The following CD48 variants were observed in gnomAD, a reference collection of about 807,000 sequenced individuals.
The protein encoded by CD48 is CD48 molecule.
Under a neutral mutation model 22.0 loss-of-function variants are expected in CD48, and 20 were observed. The observed-to-expected ratio is 0.91, with a 90% confidence interval of 0.64 to 1.32. The LOEUF is 1.32. CD48 is among the 40% of genes most tolerant of loss of function. CD48 has a pLI of 0.00. For missense variants in CD48, 307 were observed against 286.5 expected, an observed-to-expected ratio of 1.07 and a Z score of -0.52; for synonymous variants, 110 against 110.1, an observed-to-expected ratio of 1.00 and a Z score of 0.01.
chr1:160,708,661 G>C (rs1007218907), intron 1 of CD48, among the ~76,000 whole-genome samples: 1 of 152,200 alleles, frequency 6.6e-6, no homozygotes, highest in East Asian at 1.9e-4. Flanking sequence ...AACTAGACAA[G>C]TGGAGATGTC....
rs953047991 is a variant in CD48 at position 160,679,237 on chromosome 1, G to A, written c.653-106C>T. 10 of 829,446 alleles carry A rather than the reference G, an allele frequency of 1.2e-5. No individual in the cohort carries two copies. In the Admixed American group the frequency reaches 2.1e-4, roughly 18 times the overall value. The allele number at this position is 829,446 out of a possible 1,614,324, so 51.4% of individuals were successfully genotyped here. ...CTGGTGTGGGAGCTCACAGAGCAGG[G>A]AAATTAATTTCTTCCCTGAATCCCA... On this transcript the variant is annotated intron_variant, in intron 3 of 3. Coordinates refer to ENST00000368046, the MANE Select transcript of CD48 (RefSeq NM_001778.4).
intron 1 of CD48, among the ~76,000 whole-genome samples, chr1:160,704,879 T>C (rs1662745723): frequency 6.6e-6 from 1 of 152,192 alleles, no homozygotes; most frequent in Non-Finnish European, 1.5e-5. Context: ...AAAGAAAAGA[T>C]GATAAGGACA....
chr1:160,698,028 C>T (rs1210318811), intron 1 of CD48, among the ~76,000 whole-genome samples: 1 of 152,162 alleles, frequency 6.6e-6, no homozygotes, highest in East Asian at 1.9e-4. Context: ...CTTACTGTGG[C>T]CTCACACCAC....
At chr1:160,686,276 C>T (rs1398531636) in intron 1 of CD48, among the ~76,000 whole-genome samples, 1 of 151,984 alleles carries the variant, frequency 6.6e-6, no homozygotes, top group Non-Finnish European at 1.5e-5. Flanking sequence ...GACAGGAGGG[C>T]AGGAGAAGGT....
At chr1:160,693,824 C>A (rs967997351) in intron 1 of CD48, among the ~76,000 whole-genome samples, 35 of 152,408 alleles carry the variant, frequency 2.3e-4, no homozygotes, top group African/African-American at 8.2e-4. Flanking sequence ...CTGGGGCATT[C>A]CCAATTCAGC....
At chr1:160,679,657 A>T (rs1368676606) in intron 3 of CD48, among the ~76,000 whole-genome samples, 7 of 151,986 alleles carry the variant, frequency 4.6e-5, no homozygotes, top group East Asian at 1.9e-4. Context: ...TGGAGAAAAT[A>T]AAAAAAAGGA....
chr1:160,698,294 T>G (rs1019202135), intron 1 of CD48, among the ~76,000 whole-genome samples: 13 of 152,194 alleles, frequency 8.5e-5, no homozygotes, highest in Non-Finnish European at 1.5e-4. Context: ...AGAAGGCATG[T>G]GGATCCCTGT....
chr1:160,707,271 G>T (rs1662823202), intron 1 of CD48, among the ~76,000 whole-genome samples: 1 of 152,162 alleles, frequency 6.6e-6, no homozygotes, highest in Non-Finnish European at 1.5e-5. Context: ...GTTGCAATTT[G>T]AATGGGAAAA....
chr1:160,690,913 T>C (rs1662188115), intron 1 of CD48, among the ~76,000 whole-genome samples: 1 of 152,164 alleles, frequency 6.6e-6, no homozygotes, highest in Non-Finnish European at 1.5e-5. Flanking sequence ...TCTATGACCT[T>C]ACCCCCAACC....
intron 2 of CD48, among the ~76,000 whole-genome samples, chr1:160,682,316 T>A (rs1391484975): frequency 1.3e-5 from 2 of 149,328 alleles, no homozygotes; most frequent in African/African-American, 2.5e-5. Context: ...AAAAGAAAAG[T>A]AGCCAGGTGT....
Position 160,679,069 on chromosome 1 carries a change from C to G in CD48, c.715G>C (p.Gly239Arg), listed in dbSNP as rs778835247. 2 of 1,613,914 alleles carry G rather than the reference C, an allele frequency of 1.2e-6. No individual in the cohort carries two copies. The highest frequency in any genetic ancestry group is 2.2e-5 in the East Asian group (1 of 44,870). The change falls in exon 4 of 4, where the codon GGC becomes CGC. Residue 239 changes from glycine (G) to arginine (R), a missense_variant. Physicochemically the swap from Gly to Arg is moderately radical, Grantham distance 125. Coordinates refer to ENST00000368046, the MANE Select transcript of CD48 (RefSeq NM_001778.4). ...WLVVTVPTIL[G>R]LLLT ...AGCTCATCTCAGGTAAGTAACAGGCCAAGAATGGTGGGCACCGTGACCACT... is the reference window on the plus strand; with the variant it reads ...AGCTCATCTCAGGTAAGTAACAGGCGAAGAATGGTGGGCACCGTGACCACT...
At chr1:160,690,085 C>T (rs1662152558) in intron 1 of CD48, among the ~76,000 whole-genome samples, 1 of 152,104 alleles carries the variant, frequency 6.6e-6, no homozygotes, top group Non-Finnish European at 1.5e-5. Flanking sequence ...GTGCGATTGG[C>T]CTGTTCCACC....
intron 1 of CD48, among the ~76,000 whole-genome samples, chr1:160,701,998 C>T (rs760861559): frequency 1.4e-4 from 22 of 152,288 alleles, no homozygotes; most frequent in Non-Finnish European, 2.5e-4. Flanking sequence ...CATGTCTTAT[C>T]GCCTTTGTTT....
intron 1 of CD48, among the ~76,000 whole-genome samples, chr1:160,687,917 A>G (rs1346206169): frequency 2.0e-5 from 3 of 152,218 alleles, no homozygotes; most frequent in Non-Finnish European, 2.9e-5. Context: ...GTTATGTCCA[A>G]TGATAAATTA....
At chr1:160,702,252 T>C (rs1287461340) in intron 1 of CD48, among the ~76,000 whole-genome samples, 2 of 151,882 alleles carry the variant, frequency 1.3e-5, no homozygotes, top group Non-Finnish European at 2.9e-5. Flanking sequence ...AGGAAGTAAA[T>C]TTAGAGGAAT....
At chr1:160,691,928 C>T (rs1328368251) in intron 1 of CD48, 1 of 274,210 alleles carries the variant, frequency 3.6e-6, no homozygotes, top group Non-Finnish European at 6.8e-6. Flanking sequence ...AGTAAATATG[C>T]CTCTTATCTT....
intron 1 of CD48, among the ~76,000 whole-genome samples, chr1:160,685,788 G>T (rs867482402): frequency 6.6e-6 from 1 of 152,164 alleles, no homozygotes; most frequent in Non-Finnish European, 1.5e-5. Flanking sequence ...GATTAAGGAG[G>T]AAAGGCATAC....
rs112245067 is a variant in CD48 at position 160,705,560 on chromosome 1, G to A, written c.82+6122C>T. ...ATCGCACAACCACAACATGCCTGGC[G>A]CTGTGCTAGACTCTGCTGTCAGCAA... On this transcript the variant is annotated intron_variant, in intron 1 of 3. Coordinates refer to ENST00000368046, the MANE Select transcript of CD48 (RefSeq NM_001778.4). Among the ~76,000 whole-genome samples the A allele has an allele frequency of 3.9e-3, 591 of 152,296 alleles. 5 individuals carry two copies. Among genetic ancestry groups the A allele is most frequent in the African/African-American group, 0.013 (543 of 41,576 alleles).
chr1:160,699,967 C>G (rs371499800), intron 1 of CD48, among the ~76,000 whole-genome samples: 15 of 152,196 alleles, frequency 9.9e-5, no homozygotes, highest in Middle Eastern at 3.4e-3. Flanking sequence ...GTCTCTCGTT[C>G]CACCTTATGA....
Sources: gnomAD v4.1 joint callset for allele counts (sites outside exome capture counted in the v4.1 genomes callset) on GRCh38, gnomAD v4.1.1 for gene constraint, MANE v1.5 for transcripts, NCBI Gene and HGNC (gene_info 2026-07-23, HGNC 2026-07-21) for gene names.